Variants in WWOX observed in about 807,000 individuals in gnomAD.
The protein encoded by WWOX is WW domain-containing oxidoreductase.
In WWOX, 69 loss-of-function variants were observed where a neutral mutation model predicts 46.2. That is an observed-to-expected ratio of 1.49 (90% CI 1.23 to 1.82). The LOEUF (loss-of-function observed/expected upper bound fraction) is 1.82, where lower values mean the gene tolerates loss of function less well. WWOX is among the 40% of genes most tolerant of loss of function. The probability of loss-of-function intolerance (pLI) is 0.00; values close to 1 mark genes in which losing one functional copy is unlikely to be tolerated. For synonymous variants in WWOX, 359 were observed against 202.6 expected (o/e 1.77, Z -6.56); for missense variants, 919 against 542.6 (o/e 1.69, Z -6.89).
intron 8 of WWOX, among the ~76,000 whole-genome samples, chr16:78,753,825 A>ATATATATATAT (rs1290082739): frequency 9.4e-5 from 2 of 21,360 alleles, no homozygotes; most frequent in Non-Finnish European, 1.2e-4. Flanking sequence ...AAAAAAAAAA[A>ATATATATATAT]ATATATATAT....
At chr16:78,800,599 C>T (rs1003049544) in intron 8 of WWOX, among the ~76,000 whole-genome samples, 26 of 152,162 alleles carry the variant, frequency 1.7e-4, no homozygotes, top group East Asian at 3.9e-4. Flanking sequence ...ATTTGCCATT[C>T]GCTTCCTTTG....
intron 8 of WWOX, among the ~76,000 whole-genome samples, chr16:78,888,368 G>A (rs2044512912): frequency 6.6e-6 from 1 of 152,280 alleles, no homozygotes; most frequent in Middle Eastern, 3.4e-3. Context: ...CTGCCCAGAG[G>A]CAGCTCCCTT....
At chr16:78,634,878 G>A (rs543911547) in intron 8 of WWOX, among the ~76,000 whole-genome samples, 142 of 151,220 alleles carry the variant, frequency 9.4e-4, no homozygotes, top group East Asian at 4.5e-3. Context: ...GTGTGTGCGC[G>A]TGCATGTGTA....
At chr16:78,695,184 G>A (rs1474124332) in intron 8 of WWOX, among the ~76,000 whole-genome samples, 1 of 152,058 alleles carries the variant, frequency 6.6e-6, no homozygotes, top group Admixed American at 6.6e-5. Context: ...TACTGTTAAG[G>A]TATGAAAACC....
chr16:78,845,731 A>C (rs2052281488), intron 8 of WWOX, among the ~76,000 whole-genome samples: 1 of 152,186 alleles, frequency 6.6e-6, no homozygotes, highest in African/African-American at 2.4e-5. Context: ...TTTAAGTGAC[A>C]AAATGGTTGA....
chr16:78,440,013 G>C (rs2083410624), intron 8 of WWOX, among the ~76,000 whole-genome samples: 2 of 152,194 alleles, frequency 1.3e-5, no homozygotes, highest in East Asian at 3.9e-4. Flanking sequence ...GGTTGGGACT[G>C]AGTCATCTGT....
intron 8 of WWOX, among the ~76,000 whole-genome samples, chr16:78,881,997 A>G (rs1337971373): frequency 1.3e-5 from 2 of 152,104 alleles, no homozygotes; most frequent in Non-Finnish European, 2.9e-5. Context: ...GTGGTGGCGC[A>G]TGCCTGTAAT....
intron 8 of WWOX, among the ~76,000 whole-genome samples, chr16:79,009,884 C>T (rs953401459): frequency 6.6e-6 from 1 of 152,170 alleles, no homozygotes; most frequent in African/African-American, 2.4e-5. Context: ...AGAGTGAGTC[C>T]TGACCTGAGC....
At chr16:78,887,468 A>AAC (rs78503110) in intron 8 of WWOX, among the ~76,000 whole-genome samples, 24 of 136,072 alleles carry the variant, frequency 1.8e-4, no homozygotes, top group African/African-American at 6.6e-4. Flanking sequence ...AAGTATATAA[A>AAC]ACACACACAC....
At chr16:78,167,400 A>C (rs555547215) in intron 5 of WWOX, 2 of 152,254 alleles carry the variant, frequency 1.3e-5, no homozygotes, top group Middle Eastern at 3.4e-3. Flanking sequence ...ATTTCCGATG[A>C]TAGAATTTGC....
At chr16:78,545,868 C>T (rs1251078259) in intron 8 of WWOX, among the ~76,000 whole-genome samples, 2 of 152,142 alleles carry the variant, frequency 1.3e-5, no homozygotes, top group African/African-American at 4.8e-5. Context: ...TCCCTGGTGT[C>T]TCTTCCTCCT....
At chr16:79,031,182 C>G (rs904683125) in intron 8 of WWOX, among the ~76,000 whole-genome samples, 9 of 152,138 alleles carry the variant, frequency 5.9e-5, no homozygotes, top group South Asian at 4.2e-4. Flanking sequence ...ATGCGGAAGC[C>G]TTCGCCCCCT....
chr16:78,242,207 A>T (rs1219268104), intron 5 of WWOX, among the ~76,000 whole-genome samples: 1 of 152,220 alleles, frequency 6.6e-6, no homozygotes, highest in African/African-American at 2.4e-5. Context: ...CTAAACAGCC[A>T]CTTTGTAATA....
chr16:78,308,749 T>C (rs2080179663), intron 5 of WWOX, among the ~76,000 whole-genome samples: 1 of 152,166 alleles, frequency 6.6e-6, no homozygotes, highest in African/African-American at 2.4e-5. Flanking sequence ...CCTGGAGGCT[T>C]CATCTGCATC....
At chr16:78,233,464 T>C (rs369282304) in intron 5 of WWOX, among the ~76,000 whole-genome samples, 1 of 152,110 alleles carries the variant, frequency 6.6e-6, no homozygotes, top group African/African-American at 2.4e-5. Context: ...TGTATTTCGC[T>C]GTATATGTGT....
intron 8 of WWOX, among the ~76,000 whole-genome samples, chr16:79,142,611 A>C (rs1479302676): frequency 6.6e-6 from 1 of 152,194 alleles, no homozygotes; most frequent in Non-Finnish European, 1.5e-5. Flanking sequence ...CACAGAGTCC[A>C]TTTATTTCTC....
chr16:78,333,043 C>T (rs1260942278), intron 5 of WWOX, among the ~76,000 whole-genome samples: 26 of 57,110 alleles, frequency 4.6e-4, no homozygotes, highest in Non-Finnish European at 7.2e-4. Context: ...GAGCATTATA[C>T]TTTTTTTTTT....
At chr16:78,763,948 G>A (rs1431080726) in intron 8 of WWOX, among the ~76,000 whole-genome samples, 1 of 152,106 alleles carries the variant, frequency 6.6e-6, no homozygotes, top group Non-Finnish European at 1.5e-5. Flanking sequence ...AGCTGAAGAA[G>A]CCCCACTCTC....
chr16:78,894,049 T>TATTATTATTATTATAATA lies in WWOX; in HGVS notation c.1057-317557_1057-317556insTATTATTATTATAATAAT, dbSNP rs879592229. Reference sequence around the variant, plus strand: ...TTATTATTATTATTATTATTATTATTATATTTTGAGACAGGGTCTTGCTTT... The same window carrying TATTATTATTATTATAATA: ...TTATTATTATTATTATTATTATTATTATTATTATTATTATAATAATATTTTGAGACAGGGTCTTGCTTT... On this transcript the variant is annotated intron_variant, in intron 8 of 8. Coordinates refer to ENST00000566780, the MANE Select transcript of WWOX (RefSeq NM_016373.4). Among the ~76,000 whole-genome samples the TATTATTATTATTATAATA allele has an allele frequency of 7.4e-5, 11 of 148,130 alleles. No individual in the cohort carries two copies. The Admixed American group carries it at 7.5e-4, about 10-fold the overall frequency.
Sources: gnomAD v4.1 joint callset for allele counts (sites outside exome capture counted in the v4.1 genomes callset) on GRCh38, gnomAD v4.1.1 for gene constraint, MANE v1.5 for transcripts, NCBI Gene and HGNC (gene_info 2026-07-23, HGNC 2026-07-21) for gene names.